The following CLSTN2 variants were observed in gnomAD, a reference collection of about 807,000 sequenced individuals.
The protein encoded by CLSTN2 is calsyntenin 2.
Under a neutral mutation model 101.2 loss-of-function variants are expected in CLSTN2, and 48 were observed. The ratio of observed to expected loss-of-function variants is 0.47; its 90% CI spans 0.38 to 0.60. The LOEUF is 0.60. CLSTN2 is among the 20% of genes least tolerant of loss of function. The pLI, the probability that CLSTN2 is intolerant of heterozygous loss-of-function variation, is 0.00. For synonymous variants in CLSTN2, 481 were observed against 463.6 expected, an observed-to-expected ratio of 1.04 and a Z score of -0.48; for missense variants, 1,160 against 1,238.2, an observed-to-expected ratio of 0.94 and a Z score of 0.95.
intron 8 of CLSTN2, among the ~76,000 whole-genome samples, chr3:140,484,841 T>C (rs2107753804): frequency 6.6e-6 from 1 of 152,348 alleles, no homozygotes; most frequent in Non-Finnish European, 1.5e-5. Context: ...CTGCATTGGC[T>C]ATTCTAGTTA....
chr3:140,094,548 C>G (rs1283720841), intron 1 of CLSTN2, among the ~76,000 whole-genome samples: 1 of 151,924 alleles, frequency 6.6e-6, no homozygotes, highest in South Asian at 2.1e-4. Context: ...TCAAATGGTA[C>G]AGGAACCTCT....
intron 2 of CLSTN2, among the ~76,000 whole-genome samples, chr3:140,197,580 G>A (rs896001855): frequency 6.6e-6 from 1 of 152,144 alleles, no homozygotes; most frequent in Admixed American, 6.5e-5. Context: ...CTGATCGCTG[G>A]TTCTCAACTG....
At chr3:139,998,557 G>C (rs1451407456) in intron 1 of CLSTN2, among the ~76,000 whole-genome samples, 7 of 151,618 alleles carry the variant, frequency 4.6e-5, no homozygotes, top group African/African-American at 1.5e-4. Context: ...TGTTTGCCAG[G>C]ATGGTCTCTA....
At chr3:140,067,351 T>G (rs112015969) in intron 1 of CLSTN2, among the ~76,000 whole-genome samples, 2 of 152,208 alleles carry the variant, frequency 1.3e-5, no homozygotes, top group African/African-American at 2.4e-5. Flanking sequence ...TCCAGCTCCA[T>G]TGATGGGGTG....
intron 1 of CLSTN2, among the ~76,000 whole-genome samples, chr3:140,103,001 A>G (rs1275321377): frequency 3.3e-5 from 5 of 152,210 alleles, no homozygotes; most frequent in Non-Finnish European, 7.3e-5. Context: ...AGAATTTGAA[A>G]TCAAGTATGA....
intron 8 of CLSTN2, among the ~76,000 whole-genome samples, chr3:140,472,627 G>A (rs1933876616): frequency 6.6e-6 from 1 of 152,192 alleles, no homozygotes. Flanking sequence ...CCCTGCCTGT[G>A]CCCTGCCCTC....
At chr3:140,334,766 G>A (rs1023067773) in intron 2 of CLSTN2, among the ~76,000 whole-genome samples, 6 of 152,210 alleles carry the variant, frequency 3.9e-5, no homozygotes, top group African/African-American at 1.2e-4. Flanking sequence ...GATAAGATGA[G>A]CCTTGGAGTT....
intron 8 of CLSTN2, among the ~76,000 whole-genome samples, chr3:140,491,001 A>C (rs1241679691): frequency 6.6e-6 from 1 of 152,244 alleles, no homozygotes; most frequent in Non-Finnish European, 1.5e-5. Context: ...CTGTTCATTA[A>C]GAAGATTTTA....
intron 8 of CLSTN2, among the ~76,000 whole-genome samples, chr3:140,482,261 C>T (rs924786642): frequency 3.9e-5 from 6 of 152,126 alleles, no homozygotes; most frequent in Non-Finnish European, 5.9e-5. Flanking sequence ...TTATGATTTT[C>T]GTATGTTGAT....
At chr3:140,497,065 A>T (rs1035828678) in intron 8 of CLSTN2, among the ~76,000 whole-genome samples, 1 of 142,234 alleles carries the variant, frequency 7.0e-6, no homozygotes, top group Non-Finnish European at 1.5e-5. Context: ...TGCGCTATTA[A>T]CCTCTAGCTT....
intron 8 of CLSTN2, among the ~76,000 whole-genome samples, chr3:140,484,019 T>C (rs1363991980): frequency 1.3e-5 from 2 of 152,218 alleles, no homozygotes; most frequent in Non-Finnish European, 2.9e-5. Flanking sequence ...TGTTAGCTGG[T>C]TATTTTGCTC....
intron 5 of CLSTN2, among the ~76,000 whole-genome samples, chr3:140,443,758 A>T (rs1460239288): frequency 1.3e-5 from 2 of 152,204 alleles, no homozygotes; most frequent in Non-Finnish European, 2.9e-5. Context: ...CCGAGCCTTC[A>T]TTGGAAGGTC....
At chr3:140,061,464 C>A (rs903661872) in intron 1 of CLSTN2, among the ~76,000 whole-genome samples, 5 of 152,170 alleles carry the variant, frequency 3.3e-5, no homozygotes, top group Non-Finnish European at 7.4e-5. Context: ...GACCTCATGG[C>A]TGTGGATTTC....
chr3:140,168,665 AT>A (rs1052252367), intron 1 of CLSTN2, among the ~76,000 whole-genome samples: 1 of 152,136 alleles, frequency 6.6e-6, no homozygotes, highest in Admixed American at 6.6e-5. Flanking sequence ...TGTAGAGATA[AT>A]TTTTGTTTGT....
intron 1 of CLSTN2, among the ~76,000 whole-genome samples, chr3:140,066,737 A>T (rs905030896): frequency 6.6e-6 from 1 of 152,038 alleles, no homozygotes; most frequent in African/African-American, 2.4e-5. Flanking sequence ...GACCACTATA[A>T]CCTCCAGATC....
chr3:140,446,313 T>G (rs1933076511), intron 5 of CLSTN2, among the ~76,000 whole-genome samples: 1 of 152,136 alleles, frequency 6.6e-6, no homozygotes, highest in African/African-American at 2.4e-5. Flanking sequence ...AGTAGGGATA[T>G]TCTCCTTTAC....
At chr3:139,984,181 C>T (rs918282961) in intron 1 of CLSTN2, among the ~76,000 whole-genome samples, 5 of 152,196 alleles carry the variant, frequency 3.3e-5, no homozygotes, top group African/African-American at 1.2e-4. Flanking sequence ...GAGACACCCA[C>T]TGCGTGGTAA....
intron 1 of CLSTN2, among the ~76,000 whole-genome samples, chr3:140,122,825 GTTC>G (rs1303464432): frequency 6.6e-6 from 1 of 152,084 alleles, no homozygotes; most frequent in Non-Finnish European, 1.5e-5. Flanking sequence ...ATATTTTGTT[GTTC>G]TTCTTTTTCC....
At chr3:140,365,516 T>C (rs1463164634) in intron 2 of CLSTN2, among the ~76,000 whole-genome samples, 1 of 151,824 alleles carries the variant, frequency 6.6e-6, no homozygotes, top group Non-Finnish European at 1.5e-5. Context: ...TACCATTGAA[T>C]AGTCCTTCCA....
Sources: allele counts gnomAD v4.1 joint callset (sites outside exome capture counted in the v4.1 genomes callset), GRCh38; gene constraint gnomAD v4.1.1; transcripts MANE v1.5; gene names NCBI Gene and HGNC (gene_info 2026-07-23, HGNC 2026-07-21).